Variants in PIAS2 observed in about 807,000 individuals in gnomAD.
PIAS2 encodes the protein protein inhibitor of activated STAT 2, also known as E3 SUMO-protein ligase PIAS2.
A neutral mutation model predicts 69.7 loss-of-function variants in PIAS2; 19 were observed. The ratio of observed to expected loss-of-function variants is 0.27; its 90% confidence interval spans 0.19 to 0.40. The LOEUF is 0.40. PIAS2 is among the 10% of genes least tolerant of loss of function. PIAS2 has a pLI of 1.00. For synonymous variants in PIAS2, 261 were observed against 263.2 expected, an observed-to-expected ratio of 0.99 and a Z score of 0.08; for missense variants, 624 against 757.0, an observed-to-expected ratio of 0.82 and a Z score of 2.06.
chr18:46,864,135 G>A lies in PIAS2; in HGVS notation c.584+29C>T, dbSNP rs770032606. On this transcript the variant is annotated intron_variant, in intron 3 of 13. Coordinates refer to ENST00000585916, the MANE Select transcript of PIAS2 (RefSeq NM_004671.5). ...TACAGGTGAATAAACCAATATTCAT[G>A]AGAAATATATTCCAAATATTCCTCT... 20 of 1,287,226 alleles carry A rather than the reference G, an allele frequency of 1.6e-5. No homozygotes were observed. The Admixed American group carries it at 1.7e-4, about 11-fold the overall frequency. 79.7% of individuals were successfully genotyped at this position (1,287,226 alleles called of 1,614,324 possible). A position where few individuals can be genotyped will look rare whatever the true frequency, so the allele number is the denominator to read the frequency against.
At chr18:46,821,725 AAG>A (rs1457759489) in intron 11 of PIAS2, among the ~76,000 whole-genome samples, 1 of 152,172 alleles carries the variant, frequency 6.6e-6, no homozygotes, top group Non-Finnish European at 1.5e-5. Flanking sequence ...GTGAAATCCT[AAG>A]AGAGTTTATG....
chr18:46,855,835 T>A (rs1181788365), intron 3 of PIAS2, among the ~76,000 whole-genome samples: 2 of 152,144 alleles, frequency 1.3e-5, no homozygotes, highest in Non-Finnish European at 2.9e-5. Context: ...AATTTTAAGG[T>A]ACCTTCAATG....
At chr18:46,918,577 C>G (rs1376475099), upstream of PIAS2, among the ~76,000 whole-genome samples, 2 of 152,188 alleles carry the variant, frequency 1.3e-5, no homozygotes, top group African/African-American at 2.4e-5. Context: ...ACCTCCGCCT[C>G]CCGAGTAGCT....
chr18:46,898,327 A>G (rs557242776), intron 1 of PIAS2, among the ~76,000 whole-genome samples: 12 of 152,032 alleles, frequency 7.9e-5, no homozygotes, highest in Admixed American at 7.9e-4. Context: ...TTTGTATTTT[A>G]GTAGAGACAG....
chr18:46,861,459 A>C (rs1393825889), intron 3 of PIAS2, among the ~76,000 whole-genome samples: 1 of 152,206 alleles, frequency 6.6e-6, no homozygotes, highest in Non-Finnish European at 1.5e-5. Context: ...CTAGTTGCAA[A>C]GTTATCTTTG....
intron 10 of PIAS2, among the ~76,000 whole-genome samples, chr18:46,828,533 A>G (rs2043140285): frequency 6.6e-6 from 1 of 152,196 alleles, no homozygotes; most frequent in South Asian, 2.1e-4. Context: ...TTCAACAGCT[A>G]TGTATTCTCG....
chr18:46,812,335 A>C lies in PIAS2; in HGVS notation c.*98T>G. On this transcript the variant is annotated 3_prime_UTR_variant, in exon 14 of 14. Coordinates refer to ENST00000585916, the MANE Select transcript of PIAS2 (RefSeq NM_004671.5). Reference sequence around the variant, plus strand: ...TCCATCTGACTTTCAATAAATACCAAATTATTAAAAAAAAAAAAAAAAGAA... The same window carrying C: ...TCCATCTGACTTTCAATAAATACCACATTATTAAAAAAAAAAAAAAAAGAA... 1 of 731,480 alleles carries C rather than the reference A, an allele frequency of 1.4e-6. No individual in the cohort carries two copies. Among genetic ancestry groups the C allele is most frequent in the Non-Finnish European group, 2.2e-6 (1 of 459,154 alleles). 45.3% of individuals were successfully genotyped at this position (731,480 alleles called of 1,614,324 possible). A position where few individuals can be genotyped will look rare whatever the true frequency, so the allele number is the denominator to read the frequency against.
chr18:46,880,223 T>C (rs2145844408), intron 2 of PIAS2, among the ~76,000 whole-genome samples: 1 of 152,018 alleles, frequency 6.6e-6, no homozygotes, highest in Middle Eastern at 3.4e-3. Context: ...TGGCAAGACC[T>C]GGTCTCTACA....
intron 1 of PIAS2, among the ~76,000 whole-genome samples, chr18:46,900,363 T>TA (rs1365745246): frequency 0.019 from 2,629 of 140,258 alleles, 48 homozygotes; most frequent in African/African-American, 0.051. Flanking sequence ...ACTCCATCTT[T>TA]AAAAAAAAAA....
At chr18:46,817,266 T>G in intron 12 of PIAS2, 1 of 984,618 alleles carries the variant, frequency 1.0e-6, no homozygotes, top group South Asian at 4.7e-5. Flanking sequence ...ACAATGGTGT[T>G]GGAATATTGT....
At chr18:46,816,426 T>C in intron 12 of PIAS2, 1 of 985,172 alleles carries the variant, frequency 1.0e-6, no homozygotes, top group South Asian at 4.7e-5. Context: ...TTGAAAGAAA[T>C]CATTCCAACG....
At chr18:46,854,873 C>T (rs1013031890) in intron 5 of PIAS2, among the ~76,000 whole-genome samples, 1 of 152,128 alleles carries the variant, frequency 6.6e-6, no homozygotes, top group African/African-American at 2.4e-5. Context: ...CCCACACATG[C>T]TGTCCTATAC....
At chr18:46,847,258 GGAAA>G (rs759538192) in intron 5 of PIAS2, among the ~76,000 whole-genome samples, 7 of 152,014 alleles carry the variant, frequency 4.6e-5, no homozygotes, top group Non-Finnish European at 1.0e-4. Flanking sequence ...GGAAGTGAGG[GGAAA>G]GAAAGAACAA....
chr18:46,818,228 GTTTAGCACTTTCAAAT>G, intron 12 of PIAS2: 1 of 1,223,102 alleles, frequency 8.2e-7, no homozygotes, highest in Non-Finnish European at 1.0e-6. Flanking sequence ...ATATGTAAAT[GTTTAGCACTTTCAAAT>G]TTTAATGATA....
At chr18:46,830,829 A>G (rs1267758696) in intron 9 of PIAS2, among the ~76,000 whole-genome samples, 2 of 152,196 alleles carry the variant, frequency 1.3e-5, no homozygotes, top group Non-Finnish European at 2.9e-5. Context: ...TAATACCACT[A>G]CTTCCAACTC....
In PIAS2 at chr18:46,818,501, G is replaced by A. The variant is rs149740503; in HGVS notation, c.1648+2432C>T. 1.3e-4 allele frequency: 194 copies of A among 1,447,346 alleles called. 1 individual carries two copies. The East Asian group carries it at 4.8e-3, about 36-fold the overall frequency. 89.7% of individuals were successfully genotyped at this position (1,447,346 alleles called of 1,614,324 possible). A position where few individuals can be genotyped will look rare whatever the true frequency, so the allele number is the denominator to read the frequency against. On this transcript the variant is annotated intron_variant, in intron 12 of 13. Transcript: ENST00000585916. ...ATGTTTAAAAGGAATGTTAAGAAAT[G>A]TATTAAAACTTTGTTATCTCTCCAT... is the stretch of plus-strand genomic sequence containing the variant.
chr18:46,848,126 C>T (rs2046419720), intron 5 of PIAS2, among the ~76,000 whole-genome samples: 1 of 152,198 alleles, frequency 6.6e-6, no homozygotes, highest in Non-Finnish European at 1.5e-5. Context: ...CATTTTTCCA[C>T]ATGACACTCT....
At chr18:46,917,274 C>T (rs2058081569) in intron 1 of PIAS2, 48 bp downstream of exon 1, 1 of 1,448,666 alleles carries the variant, frequency 6.9e-7, no homozygotes, top group Non-Finnish European at 9.2e-7. Flanking sequence ...TTCCCCACCT[C>T]CTCTCCCATC....
chr18:46,813,391 C>G (rs2041176451), intron 13 of PIAS2, among the ~76,000 whole-genome samples: 1 of 152,126 alleles, frequency 6.6e-6, no homozygotes, highest in Non-Finnish European at 1.5e-5. Flanking sequence ...CCTGAATGTA[C>G]TACTCTAATA....
Sources: allele counts gnomAD v4.1 joint callset (sites outside exome capture counted in the v4.1 genomes callset), GRCh38; gene constraint gnomAD v4.1.1; transcripts MANE v1.5; gene names NCBI Gene and HGNC (gene_info 2026-07-23, HGNC 2026-07-21).